The following CD180 variants were observed in gnomAD, a reference collection of about 807,000 sequenced individuals.
The protein encoded by CD180 is CD180 molecule.
In CD180, 11 loss-of-function variants were observed where a neutral mutation model predicts 10.7. The observed-to-expected ratio is 1.03, with a 90% CI of 0.65 to 1.70. The LOEUF (loss-of-function observed/expected upper bound fraction) is 1.70. Among genes scored for constraint, CD180 ranks in the 40% most tolerant of loss-of-function variants. CD180 has a pLI of 0.00. For missense variants in CD180, 729 were observed against 775.2 expected (o/e 0.94, Z 0.71); for synonymous variants, 286 against 294.6 (o/e 0.97, Z 0.30).
rs1486953958 is a variant in CD180, at chr5:67,196,732, A to C, written c.-91T>G. 2 of 1,515,808 alleles carry C rather than the reference A, an allele frequency of 1.3e-6. No individual in the cohort carries two copies. Among genetic ancestry groups the C allele is most frequent in the Non-Finnish European group, 9.0e-7 (1 of 1,117,020 alleles). The allele number at this position is 1,515,808 out of a possible 1,614,324, so 93.9% of individuals were successfully genotyped here. On this transcript the variant is annotated 5_prime_UTR_variant, in exon 1 of 3. Transcript: ENST00000256447. ...AAGGCCCTGGCAATTTGGCAGCCAG[A>C]GAGGTACTCAGAAGGGTGATCTTGG...
Position 67,196,546 on chromosome 5 carries a change from A to C in CD180, c.90+6T>G, listed in dbSNP as rs1742407507. 1 of 1,613,812 alleles carries C rather than the reference A, an allele frequency of 6.2e-7. No homozygotes were observed. The highest frequency in any genetic ancestry group is 1.7e-5 in the Admixed American group (1 of 59,970). The stretch of plus-strand genomic sequence containing the variant: ...ATCTGCATAAAGACAAACAGTTTGG[A>C]CTCACCTCAATGCACATCTGATCCC... On this transcript the variant is annotated splice_donor_region_variant and intron_variant, in intron 1 of 2. Transcript: ENST00000256447.
Position 67,190,156 on chromosome 5 carries a change from T to C in CD180, c.91-4139A>G, listed in dbSNP as rs866546198. ...CCTATATTTTGCAGAATGTCCCAGT[T>C]ATGGGTTTGTATGTTCCTCATAATT... On this transcript the variant is annotated intron_variant, in intron 1 of 2. Transcript: ENST00000256447. Among the ~76,000 whole-genome samples, 9 of 152,230 alleles carry C rather than the reference T, an allele frequency of 5.9e-5. No homozygotes were observed. In the South Asian group the frequency reaches 6.2e-4, roughly 10 times the overall value.
At chr5:67,188,174 G>C (rs5744505) in intron 1 of CD180, among the ~76,000 whole-genome samples, 1 of 147,230 alleles carries the variant, frequency 6.8e-6, no homozygotes, top group Admixed American at 6.7e-5. Flanking sequence ...GCCTCAAAAA[G>C]AAAAAAAAAA....
In CD180 at chr5:67,179,873, A is replaced by G. The variant is rs992182790; in HGVS notation, c.*2984T>C. On this transcript the variant is annotated 3_prime_UTR_variant, in exon 3 of 3. Transcript: ENST00000256447. ...TATGGACTTCAGTGCTATTTGCTCC[A>G]GTACCCTTTGAAATGCAGGGTCAGC... The G allele has an allele frequency of 6.6e-6, 1 of 152,248 alleles. No homozygotes were observed. Among genetic ancestry groups the G allele is most frequent in the Non-Finnish European group, 1.5e-5 (1 of 68,058 alleles). The allele number at this position is 152,248 out of a possible 1,614,324, so 9.4% of individuals were successfully genotyped here.
intron 1 of CD180, chr5:67,191,154 C>T (rs1385051095): frequency 3.2e-6 from 3 of 936,028 alleles, no homozygotes; most frequent in South Asian, 9.9e-5. Flanking sequence ...CAATCTGATT[C>T]CTCCAGGCAA....
In CD180 at chr5:67,183,932, T is replaced by C; in HGVS notation, c.911A>G (p.Asp304Gly). 6.2e-7 allele frequency: 1 copy of C among 1,614,188 alleles called. No homozygotes were observed. ...CCCTTTCAAGTGAGTTGCTGTCAGA[T>C]CCAATTCTTGGAGTTGGGTGAAGCA... is the stretch of plus-strand genomic sequence containing the variant. ...FQCFTQLQEL[D>G]LTATHLKGLP... is the part of the protein sequence containing the mutation. Residue 304 changes from aspartate to glycine, a missense_variant, in exon 3 of 3, where the codon GAT (aspartate) becomes GGT (glycine). Coordinates refer to ENST00000256447, the MANE Select transcript of CD180 (RefSeq NM_005582.3).
At position 67,183,794 on chromosome 5, in the gene CD180, AG is replaced by A; in HGVS notation, c.1048del (p.Leu350SerfsTer7). 6.2e-7 allele frequency: 1 copy of A among 1,614,162 alleles called. No homozygotes were observed. Among genetic ancestry groups the A allele is most frequent in the Non-Finnish European group, 8.5e-7 (1 of 1,180,014 alleles). On this transcript the variant is annotated frameshift_variant, in exon 3 of 3. Coordinates refer to ENST00000256447, the MANE Select transcript of CD180 (RefSeq NM_005582.3). LOFTEE classifies it low-confidence loss of function (END_TRUNC). Reference protein sequence around the residue: ...SAANFPSLTHLYIRGNVKKLH... With the variant: ...SAANFPSLTHXYIRGNVKKLH... The stretch of plus-strand genomic sequence containing the variant: ...TTTCTTCACGTTGCCTCTGATGTAG[AG>A]GTGTGTAAGGGAGGGGAAATTGGCA...
At chr5:67,193,793 A>G (rs1742350842) in intron 1 of CD180, among the ~76,000 whole-genome samples, 1 of 152,226 alleles carries the variant, frequency 6.6e-6, no homozygotes, top group Non-Finnish European at 1.5e-5. Context: ...CAGGCAGCCA[A>G]AGGACTAGGG....
intron 1 of CD180, among the ~76,000 whole-genome samples, chr5:67,186,655 A>G (rs1407703700): frequency 2.0e-5 from 3 of 152,354 alleles, no homozygotes; most frequent in Middle Eastern, 3.4e-3. Flanking sequence ...AGCATCACCA[A>G]AATAAGACAA....
Position 67,185,288 on chromosome 5 carries a change from T to TACACACACAC in CD180, c.257+553_257+562dup, listed in dbSNP as rs138274022. Among the ~76,000 whole-genome samples, 647 of 130,126 alleles carry TACACACACAC rather than the reference T, an allele frequency of 5.0e-3. 4 individuals are homozygous for TACACACACAC. The highest frequency in any genetic ancestry group is 0.016 in the African/African-American group (563 of 34,166). The allele number at this position is 130,126 out of a possible 152,430, so 85.4% of individuals were successfully genotyped here. A position where few individuals can be genotyped will look rare whatever the true frequency, so the allele number is the denominator to read the frequency against. ...GGTACACGCAGAGCCTGTCCCCTCT[T>TACACACACAC]ACACACACACACACACACACACACA... On this transcript the variant is annotated intron_variant, in intron 2 of 2. Coordinates refer to ENST00000256447, the MANE Select transcript of CD180 (RefSeq NM_005582.3).
chr5:67,183,921 T>C lies in CD180; in HGVS notation c.922A>G (p.Thr308Ala). 6.2e-7 allele frequency: 1 copy of C among 1,614,142 alleles called. No individual in the cohort carries two copies. Among genetic ancestry groups the C allele is most frequent in the Non-Finnish European group, 8.5e-7 (1 of 1,180,012 alleles). Residue 308 changes from threonine to alanine, a missense_variant, in exon 3 of 3, where the codon ACT becomes GCT. Thr to Ala is a moderately conservative substitution (Grantham distance 58). Coordinates refer to ENST00000256447, the MANE Select transcript of CD180 (RefSeq NM_005582.3). ...CCAGAGGGTAACCCTTTCAAGTGAG[T>C]TGCTGTCAGATCCAATTCTTGGAGT... ...TQLQELDLTA[T>A]HLKGLPSGMK...
At chr5:67,194,898 T>C (rs5744470) in intron 1 of CD180, among the ~76,000 whole-genome samples, 3,399 of 152,234 alleles carry the variant, frequency 0.022, 129 homozygotes, top group African/African-American at 0.075. Context: ...ACAGGGCCTT[T>C]AAAGAGGTCA....
At chr5:67,188,791 GACA>G (rs925358799) in intron 1 of CD180, among the ~76,000 whole-genome samples, 10 of 152,176 alleles carry the variant, frequency 6.6e-5, no homozygotes, top group Non-Finnish European at 1.2e-4. Flanking sequence ...TTGATATTGT[GACA>G]ACATTATAAC....
In CD180 at chr5:67,189,845, C is replaced by T. The variant is rs370455369; in HGVS notation, c.91-3828G>A. ...CACTACTGACATCATGACCCTTAAG[C>T]CCTATACACCAATGTTTATATATCC... On this transcript the variant is annotated intron_variant, in intron 1 of 2. Coordinates refer to ENST00000256447, the MANE Select transcript of CD180 (RefSeq NM_005582.3). Among the ~76,000 whole-genome samples the T allele has an allele frequency of 1.6e-4, 24 of 152,196 alleles. No homozygotes were observed. The East Asian group carries it at 4.2e-3, about 27-fold the overall frequency.
At chr5:67,189,150 G>T (rs1215000634) in intron 1 of CD180, among the ~76,000 whole-genome samples, 1 of 152,156 alleles carries the variant, frequency 6.6e-6, no homozygotes, top group Non-Finnish European at 1.5e-5. Flanking sequence ...TCCTCAGTTT[G>T]TCTCACTCTA....
At chr5:67,194,020 T>C (rs1006682234) in intron 1 of CD180, among the ~76,000 whole-genome samples, 10 of 152,162 alleles carry the variant, frequency 6.6e-5, no homozygotes, top group Non-Finnish European at 1.5e-4. Context: ...CTGTATGACA[T>C]TGACCTGAAA....
chr5:67,190,755 T>C (rs1742289849), intron 1 of CD180, among the ~76,000 whole-genome samples: 1 of 152,256 alleles, frequency 6.6e-6, no homozygotes, highest in Admixed American at 6.5e-5. Context: ...GAGCTACATC[T>C]GTATTTGCAA....
intron 1 of CD180, among the ~76,000 whole-genome samples, chr5:67,194,418 A>G (rs1016379088): frequency 1.3e-5 from 2 of 152,086 alleles, no homozygotes; most frequent in Non-Finnish European, 2.9e-5. Flanking sequence ...AACCCCACCC[A>G]GACTCCTGAC....
intron 1 of CD180, among the ~76,000 whole-genome samples, chr5:67,186,522 G>T (rs932286667): frequency 6.6e-6 from 1 of 152,120 alleles, no homozygotes; most frequent in African/African-American, 2.4e-5. Context: ...AGAGGGAAGA[G>T]ACCAGATAGA....
Sources: allele counts gnomAD v4.1 joint callset (sites outside exome capture counted in the v4.1 genomes callset), GRCh38; gene constraint gnomAD v4.1.1; transcripts MANE v1.5; gene names NCBI Gene and HGNC (gene_info 2026-07-23, HGNC 2026-07-21).